Variants in SYT9 observed in about 807,000 individuals in gnomAD.
The protein encoded by SYT9 is synaptotagmin-9.
A neutral mutation model predicts 48.4 loss-of-function variants in SYT9; 22 were observed. The observed-to-expected ratio is 0.45, with a 90% CI of 0.32 to 0.65. The LOEUF (loss-of-function observed/expected upper bound fraction) is 0.65, where lower values mean the gene tolerates loss of function less well. SYT9 is among the 30% of genes least tolerant of loss of function. The pLI is 0.03. For missense variants in SYT9, 577 were observed against 622.0 expected (o/e 0.93, Z 0.77); for synonymous variants, 265 against 245.0 (o/e 1.08, Z -0.76).
chr11:7,415,112 GA>G (rs5789514), intron 3 of SYT9, among the ~76,000 whole-genome samples: 42,245 of 151,842 alleles, frequency 0.28, 6,024 homozygotes, highest in African/African-American at 0.36. Context: ...GGGAAATGGG[GA>G]GTCTTTAGAG....
chr11:7,415,932 A>G, intron 3 of SYT9, 110 bp from the exon 4 acceptor site: 1 of 1,354,714 alleles, frequency 7.4e-7, no homozygotes. Flanking sequence ...GGATTCTACA[A>G]GCTGAGCAAA....
intron 1 of SYT9, among the ~76,000 whole-genome samples, chr11:7,283,156 T>TAC (rs918124254): frequency 6.8e-6 from 1 of 146,738 alleles, no homozygotes; most frequent in African/African-American, 2.5e-5. Context: ...TGTATATATA[T>TAC]ATATATATAC....
chr11:7,340,810 C>T (rs80347858), intron 3 of SYT9, among the ~76,000 whole-genome samples: 3,656 of 152,240 alleles, frequency 0.024, 145 homozygotes, highest in African/African-American at 0.082. Flanking sequence ...CTCAGTAGCC[C>T]CAGTGGGGAA....
intron 2 of SYT9, among the ~76,000 whole-genome samples, chr11:7,306,275 T>A (rs1158644447): frequency 6.6e-6 from 1 of 152,194 alleles, no homozygotes; most frequent in Non-Finnish European, 1.5e-5. Flanking sequence ...CTAATCCATT[T>A]CCTGATTCAT....
intron 6 of SYT9, chr11:7,454,050 G>T (rs958517308): frequency 1.8e-5 from 18 of 985,280 alleles, no homozygotes; most frequent in Non-Finnish European, 2.0e-5. Flanking sequence ...CACAGGGCAG[G>T]ATACCAATCC....
rs1415233841 is a variant in SYT9 at position 7,434,288 on chromosome 11, G to A, written c.1467+13653G>A. 2.0e-5 allele frequency among the ~76,000 whole-genome samples: 3 copies of A among 152,258 alleles called. 1 individual carries two copies. Among genetic ancestry groups the A allele is most frequent in the East Asian group, 3.9e-4 (2 of 5,184 alleles). ...GTGGTTCAAGATAACAAAATATAAA[G>A]GCTGAGCATCTCGTGCTCCCAACCT... On this transcript the variant is annotated intron_variant, in intron 6 of 6. Transcript: ENST00000318881.
chr11:7,319,951 A>G (rs1170589318), intron 3 of SYT9, among the ~76,000 whole-genome samples: 1 of 152,198 alleles, frequency 6.6e-6, no homozygotes, highest in Middle Eastern at 3.2e-3. Context: ...AGAATTTTTT[A>G]ATCTAGTATT....
In SYT9 at chr11:7,407,313, A is replaced by AT. The variant is rs899501413; in HGVS notation, c.1045-8722dup. The stretch of plus-strand genomic sequence containing the variant: ...AATGATGTCTTGAAATGTTTTCTCC[A>AT]TTTTTTTAGTAGTTTTACAGTCTCA... On this transcript the variant is annotated intron_variant, in intron 3 of 6. Transcript: ENST00000318881. 6.1e-4 allele frequency among the ~76,000 whole-genome samples: 81 copies of AT among 133,352 alleles called. 1 individual carries two copies. The highest frequency in any genetic ancestry group is 1.7e-3 in the African/African-American group (65 of 38,878). The allele number at this position is 133,352 out of a possible 152,430, so 87.5% of individuals were successfully genotyped here.
intron 6 of SYT9, among the ~76,000 whole-genome samples, chr11:7,455,508 A>AT (rs111963518): frequency 0.21 from 30,347 of 145,040 alleles, 3,451 homozygotes; most frequent in Middle Eastern, 0.35. Flanking sequence ...TAATTTTTGT[A>AT]TTTTTTTTTT....
intron 3 of SYT9, among the ~76,000 whole-genome samples, chr11:7,335,245 G>A (rs1849613671): frequency 1.3e-5 from 2 of 150,912 alleles, no homozygotes; most frequent in Non-Finnish European, 3.0e-5. Flanking sequence ...ATCATTTCAT[G>A]TGCTTATCTA....
chr11:7,244,282 G>A (rs913074733), intron 1 of SYT9, among the ~76,000 whole-genome samples: 1 of 152,192 alleles, frequency 6.6e-6, no homozygotes, highest in Admixed American at 6.5e-5. Flanking sequence ...ACACAGTCCA[G>A]GAGAGAGGAA....
chr11:7,328,680 A>AT (rs1849478052), intron 3 of SYT9, among the ~76,000 whole-genome samples: 2 of 152,270 alleles, frequency 1.3e-5, no homozygotes, highest in African/African-American at 4.8e-5. Context: ...TTTACCACAT[A>AT]TTTACCACTT....
At chr11:7,291,343 T>C (rs147258563) in intron 1 of SYT9, among the ~76,000 whole-genome samples, 2 of 152,298 alleles carry the variant, frequency 1.3e-5, no homozygotes, top group African/African-American at 4.8e-5. Flanking sequence ...TCATCAGATG[T>C]TGGAAGAGAG....
intron 6 of SYT9, among the ~76,000 whole-genome samples, chr11:7,462,908 C>T (rs1793089691): frequency 6.6e-6 from 1 of 152,154 alleles, no homozygotes; most frequent in Non-Finnish European, 1.5e-5. Context: ...GTTTCAATGG[C>T]CTGTCTCATA....
At chr11:7,354,714 T>C (rs2134007845) in intron 3 of SYT9, among the ~76,000 whole-genome samples, 1 of 152,316 alleles carries the variant, frequency 6.6e-6, no homozygotes, top group Admixed American at 6.5e-5. Context: ...AAGAAGCTTC[T>C]TATGTACTGG....
chr11:7,331,905 C>A (rs1346784983), intron 3 of SYT9, among the ~76,000 whole-genome samples: 1 of 152,154 alleles, frequency 6.6e-6, no homozygotes, highest in Non-Finnish European at 1.5e-5. Flanking sequence ...ATAGTTGATC[C>A]TTGAAGAGGA....
chr11:7,319,192 C>CTTTTTTTTTTTTTTTTTTTTTTTTT (rs71056795), intron 3 of SYT9, among the ~76,000 whole-genome samples: 4 of 86,184 alleles, frequency 4.6e-5, no homozygotes, highest in Admixed American at 1.3e-4. Context: ...TCTTCTTTTT[C>CTTTTTTTTTTTTTTTTTTTTTTTTT]TTTTTTTTTT....
At chr11:7,395,800 A>G (rs1031531773) in intron 3 of SYT9, among the ~76,000 whole-genome samples, 1 of 151,370 alleles carries the variant, frequency 6.6e-6, no homozygotes, top group Admixed American at 6.6e-5. Context: ...TCATCCTGTC[A>G]CTCTATGTCA....
At chr11:7,334,098 C>T (rs1849591762) in intron 3 of SYT9, among the ~76,000 whole-genome samples, 1 of 152,104 alleles carries the variant, frequency 6.6e-6, no homozygotes, top group African/African-American at 2.4e-5. Context: ...GGCAGAGTCC[C>T]ACGCAAAAGG....
Sources: allele counts gnomAD v4.1 joint callset (sites outside exome capture counted in the v4.1 genomes callset), GRCh38; gene constraint gnomAD v4.1.1; transcripts MANE v1.5; gene names NCBI Gene and HGNC (gene_info 2026-07-23, HGNC 2026-07-21).